The following CREBRF variants were observed in gnomAD, a reference collection of about 807,000 sequenced individuals.
CREBRF encodes CREB3 regulatory factor.
In CREBRF, 5 loss-of-function variants were observed where a neutral mutation model predicts 66.1. The observed-to-expected ratio is 0.08, with a 90% CI of 0.04 to 0.16. CREBRF has a LOEUF of 0.16. CREBRF is among the 10% of genes least tolerant of loss of function. The pLI, the probability that CREBRF is intolerant of heterozygous loss-of-function variation, is 1.00. For synonymous variants in CREBRF, 229 were observed against 264.4 expected, an observed-to-expected ratio of 0.87 and a Z score of 1.30; for missense variants, 531 against 744.9, an observed-to-expected ratio of 0.71 and a Z score of 3.34.
intron 5 of CREBRF, chr5:173,109,041 A>G (rs1470729338): frequency 1.3e-5 from 6 of 475,540 alleles, no homozygotes; most frequent in Non-Finnish European, 1.8e-5. Flanking sequence ...CTGTGTAAAC[A>G]TTATTTCATT....
chr5:173,059,187 A>C (rs575618569), intron 1 of CREBRF, among the ~76,000 whole-genome samples: 2 of 151,954 alleles, frequency 1.3e-5, no homozygotes, highest in East Asian at 3.9e-4. Flanking sequence ...TTATTTGATA[A>C]ACTTGAATTC....
At chr5:173,065,249 A>G (rs1228477560) in intron 1 of CREBRF, among the ~76,000 whole-genome samples, 1 of 152,176 alleles carries the variant, frequency 6.6e-6, no homozygotes, top group East Asian at 1.9e-4. Flanking sequence ...GAGGCATTCT[A>G]GTACAGCTGA....
At position 173,136,292 on chromosome 5, in the gene CREBRF, G is replaced by A. The variant is rs1246186647; in HGVS notation, c.*2547G>A. On this transcript the variant is annotated 3_prime_UTR_variant, in exon 9 of 9. Transcript: ENST00000296953. ...ATCTTTGAGTTTCAGTGTTTTATAT[G>A]TACTACTTAAGTTAAATAGTTAAAA... The A allele has an allele frequency of 6.6e-6, 1 of 151,192 alleles. No individual in the cohort carries two copies. The highest frequency in any genetic ancestry group is 1.5e-5 in the Non-Finnish European group (1 of 67,700). The allele number at this position is 151,192 out of a possible 1,614,324, so 9.4% of individuals were successfully genotyped here.
chr5:173,099,899 T>C (rs905147042), intron 4 of CREBRF, among the ~76,000 whole-genome samples: 8 of 149,344 alleles, frequency 5.4e-5, no homozygotes, highest in Admixed American at 5.3e-4. Flanking sequence ...TAGCTTTTTT[T>C]TTTTTTTTTG....
chr5:173,112,439 T>C (rs1758893405), intron 7 of CREBRF, 60 bp downstream of exon 7: 1 of 1,177,382 alleles, frequency 8.5e-7, no homozygotes, highest in Non-Finnish European at 1.2e-6. Flanking sequence ...CCACTCTCTC[T>C]TTTCTTTGGT....
chr5:173,072,368 C>T (rs931968508), intron 1 of CREBRF, among the ~76,000 whole-genome samples: 12 of 151,916 alleles, frequency 7.9e-5, no homozygotes, highest in East Asian at 5.8e-4. Flanking sequence ...CTCTGCCTCC[C>T]GGGTTCATGC....
intron 4 of CREBRF, among the ~76,000 whole-genome samples, chr5:173,107,716 T>A (rs2113768512): frequency 6.6e-6 from 1 of 152,206 alleles, no homozygotes; most frequent in African/African-American, 2.4e-5. Flanking sequence ...GGCTCATGCC[T>A]GTAATCCCAG....
At chr5:173,119,310 GTATCTCTCTC>G (rs1759082114) in intron 7 of CREBRF, among the ~76,000 whole-genome samples, 1 of 152,086 alleles carries the variant, frequency 6.6e-6, no homozygotes, top group Non-Finnish European at 1.5e-5. Flanking sequence ...CATGGACCTG[GTATCTCTCTC>G]TACCTAGCTA....
chr5:173,076,673 T>G (rs1049422321), intron 1 of CREBRF, among the ~76,000 whole-genome samples: 2 of 151,234 alleles, frequency 1.3e-5, no homozygotes, highest in Non-Finnish European at 2.9e-5. Context: ...CAGCAATCGC[T>G]TGAATCCAGG....
chr5:173,072,280 C>A (rs1757618812), intron 1 of CREBRF, among the ~76,000 whole-genome samples: 1 of 150,476 alleles, frequency 6.6e-6, no homozygotes, highest in Admixed American at 6.6e-5. Flanking sequence ...ATTTTTTTAT[C>A]CCTTTTTTTT....
At chr5:173,119,379 G>A (rs1450517457) in intron 7 of CREBRF, among the ~76,000 whole-genome samples, 2 of 152,124 alleles carry the variant, frequency 1.3e-5, no homozygotes, top group African/African-American at 4.8e-5. Context: ...TCAGTGTAGA[G>A]TGCTTGAACA....
intron 1 of CREBRF, among the ~76,000 whole-genome samples, chr5:173,079,705 TTC>T (rs1757876181): frequency 6.6e-6 from 1 of 152,048 alleles, no homozygotes; most frequent in Non-Finnish European, 1.5e-5. Context: ...CTCCTAGAGG[TTC>T]TGTTTTGATT....
intron 1 of CREBRF, among the ~76,000 whole-genome samples, chr5:173,059,047 C>T (rs1256674554): frequency 6.6e-6 from 1 of 151,700 alleles, no homozygotes; most frequent in East Asian, 1.9e-4. Flanking sequence ...GATCCACCCA[C>T]CTCAGCTTCC....
chr5:173,067,333 A>G (rs867838010), intron 1 of CREBRF, among the ~76,000 whole-genome samples: 2 of 152,240 alleles, frequency 1.3e-5, no homozygotes. Flanking sequence ...AACACCCAAC[A>G]TTCATAAATA....
At chr5:173,123,280 CTTTTAG>C (rs1759185747) in intron 8 of CREBRF, 78 bp downstream of exon 8, 4 of 1,435,660 alleles carry the variant, frequency 2.8e-6, no homozygotes, top group Middle Eastern at 1.8e-4. Context: ...ATTAAAAGTT[CTTTTAG>C]TTTAAGGAAA....
At chr5:173,085,162 C>T (rs1211317306) in intron 2 of CREBRF, among the ~76,000 whole-genome samples, 2 of 151,962 alleles carry the variant, frequency 1.3e-5, no homozygotes, top group African/African-American at 2.4e-5. Context: ...AGCCTGGTCT[C>T]GAACTCCTGA....
chr5:173,066,097 G>C (rs1179327009), intron 1 of CREBRF, among the ~76,000 whole-genome samples: 1 of 152,092 alleles, frequency 6.6e-6, no homozygotes, highest in Non-Finnish European at 1.5e-5. Flanking sequence ...CTGCAGGCGT[G>C]TGCCACCTCT....
At chr5:173,079,811 G>A (rs1176390738) in intron 1 of CREBRF, among the ~76,000 whole-genome samples, 2 of 152,196 alleles carry the variant, frequency 1.3e-5, no homozygotes, top group African/African-American at 4.8e-5. Context: ...ACAGGAAAAT[G>A]AAGCGAGTAT....
chr5:173,086,243 A>C (rs532476534), intron 2 of CREBRF: 2 of 724,830 alleles, frequency 2.8e-6, no homozygotes, highest in South Asian at 1.5e-5. Context: ...AAATATTTCA[A>C]ATCTGATGTT....
Sources: allele counts gnomAD v4.1 joint callset (sites outside exome capture counted in the v4.1 genomes callset), GRCh38; gene constraint gnomAD v4.1.1; transcripts MANE v1.5; gene names NCBI Gene and HGNC (gene_info 2026-07-23, HGNC 2026-07-21).